The following NELL2 variants were observed in gnomAD, a reference collection of about 807,000 sequenced individuals.
The protein encoded by NELL2 is protein kinase C-binding protein NELL2.
NELL2 carries 41 observed loss-of-function variants against 109.6 expected under a neutral mutation model. The observed-to-expected ratio is 0.37, with a 90% CI of 0.29 to 0.49. The LOEUF is 0.49. Among genes scored for constraint, NELL2 ranks in the 20% least tolerant of loss-of-function variants. NELL2 has a pLI of 0.98. For synonymous variants in NELL2, 355 were observed against 344.7 expected (o/e 1.03, Z -0.33); for missense variants, 900 against 1,008.3 (o/e 0.89, Z 1.45).
At chr12:44,595,627 G>C (rs968306624) in intron 15 of NELL2, among the ~76,000 whole-genome samples, 3 of 140,468 alleles carry the variant, frequency 2.1e-5, no homozygotes, top group Non-Finnish European at 4.6e-5. Flanking sequence ...ATTTTTAGTA[G>C]AGATGAGGTT....
intron 1 of NELL2, among the ~76,000 whole-genome samples, chr12:44,900,342 A>C (rs1367811491): frequency 6.6e-6 from 1 of 152,028 alleles, no homozygotes; most frequent in Non-Finnish European, 1.5e-5. Context: ...CTTATTCTAA[A>C]ATTGACCACA....
chr12:44,711,774 T>C (rs1031169212), intron 10 of NELL2, among the ~76,000 whole-genome samples: 2 of 152,052 alleles, frequency 1.3e-5, no homozygotes, highest in African/African-American at 4.8e-5. Context: ...TAAATTAAAA[T>C]TGAGCTTTCG....
At chr12:44,871,146 T>G (rs1248333007) in intron 2 of NELL2, among the ~76,000 whole-genome samples, 2 of 152,160 alleles carry the variant, frequency 1.3e-5, no homozygotes, top group Non-Finnish European at 2.9e-5. Context: ...TTCTCTTCTT[T>G]GGACTACTCT....
Position 44,610,967 on chromosome 12 carries a change from T to A in NELL2, c.1448A>T (p.His483Leu), listed in dbSNP as rs1455892719. Reference sequence around the variant, plus strand: ...GTGCTGATTTGTGATACACTCATCATGTTCTGAAATGAGGAATACAATTTT... The same window carrying A: ...GTGCTGATTTGTGATACACTCATCAAGTTCTGAAATGAGGAATACAATTTT... ...IRIDDYSCTE[H>L]DECITNQHNC... Residue 483 changes from histidine to leucine, a missense_variant, in exon 14 of 20, where the codon CAT becomes CTT. Coordinates refer to ENST00000429094, the MANE Select transcript of NELL2 (RefSeq NM_001145108.2). 1.9e-6 allele frequency: 3 copies of A among 1,612,132 alleles called. No individual in the cohort carries two copies. In the East Asian group the frequency reaches 6.7e-5, roughly 36 times the overall value.
intron 15 of NELL2, among the ~76,000 whole-genome samples, chr12:44,547,996 G>A (rs570265305): frequency 6.6e-6 from 1 of 152,250 alleles, no homozygotes; most frequent in Admixed American, 6.5e-5. Context: ...ATGCCTGCTA[G>A]TCTTACCAAA....
intron 2 of NELL2, among the ~76,000 whole-genome samples, chr12:44,842,577 A>G (rs946266354): frequency 6.6e-6 from 1 of 152,246 alleles, no homozygotes; most frequent in Non-Finnish European, 1.5e-5. Context: ...TACAAAATTA[A>G]AAATAGATAA....
At chr12:44,722,098 G>A (rs1051147978) in intron 9 of NELL2, among the ~76,000 whole-genome samples, 1 of 151,974 alleles carries the variant, frequency 6.6e-6, no homozygotes, top group Non-Finnish European at 1.5e-5. Context: ...AAAGGAGTAA[G>A]CAATAAAATG....
upstream of NELL2, among the ~76,000 whole-genome samples, chr12:44,880,114 TAC>T (rs747220208): frequency 2.3e-3 from 317 of 137,030 alleles, 3 homozygotes; most frequent in Middle Eastern, 7.8e-3. Context: ...TCAAGAAACA[TAC>T]ACACACACAC....
At chr12:44,593,746 A>G (rs913761382) in intron 15 of NELL2, among the ~76,000 whole-genome samples, 1 of 151,944 alleles carries the variant, frequency 6.6e-6, no homozygotes, top group African/African-American at 2.4e-5. Flanking sequence ...TTCTCCACAC[A>G]CTCTCCTGCA....
At chr12:44,780,936 C>T (rs1941935677) in intron 3 of NELL2, among the ~76,000 whole-genome samples, 1 of 152,078 alleles carries the variant, frequency 6.6e-6, no homozygotes, top group Non-Finnish European at 1.5e-5. Flanking sequence ...CTGGCTAAAA[C>T]AGGCGGGTTA....
chr12:44,632,781 T>C (rs1349007480), intron 13 of NELL2, among the ~76,000 whole-genome samples: 1 of 152,142 alleles, frequency 6.6e-6, no homozygotes, highest in Non-Finnish European at 1.5e-5. Context: ...AGAGATACCC[T>C]GACCAAATAC....
intron 2 of NELL2, among the ~76,000 whole-genome samples, chr12:44,859,773 C>T (rs1555228471): frequency 6.6e-6 from 1 of 152,152 alleles, no homozygotes; most frequent in Non-Finnish European, 1.5e-5. Flanking sequence ...TCAGCTGTTA[C>T]CCAGAGTGTA....
chr12:44,583,408 C>A (rs999477693), intron 15 of NELL2, among the ~76,000 whole-genome samples: 1 of 152,066 alleles, frequency 6.6e-6, no homozygotes, highest in Non-Finnish European at 1.5e-5. Flanking sequence ...CCCGCCAACA[C>A]CAGAAAGTAA....
intron 1 of NELL2, among the ~76,000 whole-genome samples, chr12:44,882,291 T>C (rs894233174): frequency 6.6e-6 from 1 of 151,580 alleles, no homozygotes; most frequent in Non-Finnish European, 1.5e-5. Flanking sequence ...GGTAACAAAT[T>C]ACCACAACTT....
At chr12:44,885,753 G>A (rs12322372) in intron 1 of NELL2, among the ~76,000 whole-genome samples, 2,154 of 151,774 alleles carry the variant, frequency 0.014, 87 homozygotes, top group African/African-American at 0.05. Context: ...ATCCCAGCAG[G>A]CTATTTTGTA....
In NELL2 at chr12:44,846,350, C is replaced by T. The variant is rs145451502; in HGVS notation, c.184+28875G>A. Among the ~76,000 whole-genome samples, 8 of 152,288 alleles carry T rather than the reference C, an allele frequency of 5.3e-5. No individual in the cohort carries two copies. In the East Asian group the frequency reaches 1.2e-3, roughly 22 times the overall value. On this transcript the variant is annotated intron_variant, in intron 2 of 19. Coordinates refer to ENST00000429094, the MANE Select transcript of NELL2 (RefSeq NM_001145108.2). Reference sequence around the variant, plus strand: ...TATGGTGTCAGCATCAACACGGATGCTCTGTTTTTATGAAGATTCTTGACT... The same window carrying T: ...TATGGTGTCAGCATCAACACGGATGTTCTGTTTTTATGAAGATTCTTGACT...
At chr12:44,793,414 A>C (rs149441774) in intron 3 of NELL2, among the ~76,000 whole-genome samples, 58 of 152,310 alleles carry the variant, frequency 3.8e-4, no homozygotes, top group African/African-American at 1.3e-3. Context: ...ACATCAGCAA[A>C]CGCATCATCC....
intron 15 of NELL2, among the ~76,000 whole-genome samples, chr12:44,544,756 A>C: frequency 6.6e-6 from 1 of 152,262 alleles, no homozygotes; most frequent in East Asian, 1.9e-4. Context: ...ATGAAGTATG[A>C]TATGAATGAT....
At position 44,531,590 on chromosome 12, in the gene NELL2, A is replaced by G. The variant is rs543793021; in HGVS notation, c.1804+991T>C. Among the ~76,000 whole-genome samples the G allele has an allele frequency of 2.0e-5, 3 of 152,352 alleles. No individual in the cohort carries two copies. In the South Asian group the frequency reaches 6.2e-4, roughly 32 times the overall value. On this transcript the variant is annotated intron_variant, in intron 16 of 19. Transcript: ENST00000429094. ...GCTCCAGAGCTTGTCTGCTGCCGGC[A>G]AAACAGGCTAGAAGCCTTGGCATCC... is the stretch of plus-strand genomic sequence containing the variant.
Sources: allele counts gnomAD v4.1 joint callset (sites outside exome capture counted in the v4.1 genomes callset), GRCh38; gene constraint gnomAD v4.1.1; transcripts MANE v1.5; gene names NCBI Gene and HGNC (gene_info 2026-07-23, HGNC 2026-07-21).